The following APTX variants were observed in gnomAD, a reference collection of about 807,000 sequenced individuals.
APTX encodes forkhead-associated domain histidine triad-like protein.
A neutral mutation model predicts 42.3 loss-of-function variants in APTX; 33 were observed. That is an observed-to-expected ratio of 0.78 (90% CI 0.59 to 1.04). The LOEUF is 1.04. APTX is among the 50% of genes least tolerant of loss of function. The probability of loss-of-function intolerance (pLI) is 0.00; values close to 1 mark genes in which losing one functional copy is unlikely to be tolerated. For synonymous variants in APTX, 130 were observed against 146.7 expected (o/e 0.89, Z 0.82); for missense variants, 421 against 415.1 (o/e 1.01, Z -0.12).
At chr9:32,988,275 T>C (rs1452569766) in intron 2 of APTX, 146 bp from the exon 3 acceptor site, 3 of 730,674 alleles carry the variant, frequency 4.1e-6, no homozygotes, top group Non-Finnish European at 7.3e-6. Flanking sequence ...TCACCTGTTA[T>C]TGCAGGTGGC....
chr9:32,977,078 G>GAA (rs1258136184), intron 6 of APTX, among the ~76,000 whole-genome samples: 1 of 152,068 alleles, frequency 6.6e-6, no homozygotes, highest in Non-Finnish European at 1.5e-5. Flanking sequence ...TATTAACAGA[G>GAA]AATTTCTACT....
chr9:32,977,141 AAG>A (rs1341605509), intron 6 of APTX, among the ~76,000 whole-genome samples: 1 of 152,196 alleles, frequency 6.6e-6, no homozygotes, highest in Non-Finnish European at 1.5e-5. Flanking sequence ...ATTTTCACTT[AAG>A]AGATAAAAAT....
intron 7 of APTX, among the ~76,000 whole-genome samples, chr9:32,973,959 T>C (rs916179090): frequency 2.0e-5 from 3 of 152,036 alleles, no homozygotes; most frequent in African/African-American, 7.2e-5. Flanking sequence ...CCAGCTGCCA[T>C]TGTGAACACC....
intron 1 of APTX, among the ~76,000 whole-genome samples, chr9:33,008,581 T>C (rs377538594): frequency 3.0e-4 from 45 of 148,288 alleles, no homozygotes; most frequent in African/African-American, 1.0e-3. Context: ...AGATGGAGTC[T>C]CACTCTGTCA....
intron 1 of APTX, among the ~76,000 whole-genome samples, chr9:33,019,037 G>C (rs1214260009): frequency 2.6e-5 from 4 of 152,140 alleles, no homozygotes; most frequent in Non-Finnish European, 5.9e-5. Flanking sequence ...AAAAATTAAA[G>C]AAACCCAAAT....
Position 32,984,908 on chromosome 9 carries a change from G to A in APTX, c.544-51C>T, listed in dbSNP as rs780304818. ...AACAGACATCTACTAAGAATCTTCT[G>A]TGTGCCTGGTTGTTATATTCACTAA... On this transcript the variant is annotated intron_variant, in intron 5 of 7. Coordinates refer to ENST00000379817, the MANE Select transcript of APTX (RefSeq NM_001195248.2). The A allele has an allele frequency of 1.6e-5, 24 of 1,507,886 alleles. No individual in the cohort carries two copies. The South Asian group carries it at 2.4e-4, about 15-fold the overall frequency. The allele number at this position is 1,507,886 out of a possible 1,614,324, so 93.4% of individuals were successfully genotyped here.
chr9:33,019,706 C>G (rs1033444989), intron 1 of APTX: 1 of 523,070 alleles, frequency 1.9e-6, no homozygotes, highest in African/African-American at 2.0e-5. Context: ...CCAGGCTTAG[C>G]GGGAAACTGG....
At chr9:32,986,255 C>A in intron 4 of APTX, 1 of 648,960 alleles carries the variant, frequency 1.5e-6, no homozygotes. Flanking sequence ...CTCTGTCTCA[C>A]CCAAGCTGGA....
At chr9:33,001,256 A>G in intron 1 of APTX, 1 of 1,394,746 alleles carries the variant, frequency 7.2e-7, no homozygotes, top group Non-Finnish European at 9.4e-7. Flanking sequence ...CTTCCCGACA[A>G]GCTGGGCCGC....
intron 1 of APTX, among the ~76,000 whole-genome samples, chr9:33,024,352 T>C (rs1476643552): frequency 1.3e-5 from 2 of 152,248 alleles, no homozygotes; most frequent in Non-Finnish European, 2.9e-5. Context: ...ACATACCTGC[T>C]GTGTCCCTGG....
chr9:32,984,951 G>A (rs1831578905), intron 5 of APTX, 94 bp from the exon 6 acceptor site: 1 of 1,198,536 alleles, frequency 8.3e-7, no homozygotes, highest in African/African-American at 1.5e-5. Flanking sequence ...AATTCCCACA[G>A]TCTTGTGCAA....
At chr9:32,987,893 C>T (rs775587524) in intron 3 of APTX, 47 bp from the exon 4 acceptor site, 2 of 1,602,612 alleles carry the variant, frequency 1.2e-6, no homozygotes, top group South Asian at 2.2e-5. Flanking sequence ...AGCAACAGCA[C>T]CTACAGTAAG....
rs146051485 is a variant in APTX, at chr9:33,024,497, T to C, written c.-5+526A>G. Among the ~76,000 whole-genome samples the C allele has an allele frequency of 2.1e-4, 32 of 152,238 alleles. No homozygotes were observed. The East Asian group carries it at 5.4e-3, about 26-fold the overall frequency. ...AGTGAGGTCAAATAATTAAACAAAT[T>C]GTTTTAGTCAGACACTCTTGCGGCT... On this transcript the variant is annotated intron_variant, in intron 1 of 6. Coordinates refer to the APTX transcript ENST00000436040.
intron 5 of APTX, among the ~76,000 whole-genome samples, chr9:32,985,568 T>G (rs994493182): frequency 2.0e-5 from 3 of 152,092 alleles, no homozygotes; most frequent in African/African-American, 7.2e-5. Flanking sequence ...ACTCCTGACC[T>G]CAGGTGATCC....
chr9:33,005,975 T>C (rs1267807975), upstream of APTX, among the ~76,000 whole-genome samples: 2 of 152,240 alleles, frequency 1.3e-5, no homozygotes, highest in Admixed American at 1.3e-4. Flanking sequence ...TTGATTACTA[T>C]AGCTTTGTAA....
chr9:33,022,711 A>C (rs188561267), intron 1 of APTX, among the ~76,000 whole-genome samples: 3 of 152,370 alleles, frequency 2.0e-5, no homozygotes, highest in Non-Finnish European at 2.9e-5. Flanking sequence ...TAAGATGACA[A>C]AGTGAAAAGG....
chr9:32,986,897 C>A (rs1474121854), intron 4 of APTX, among the ~76,000 whole-genome samples: 3 of 152,130 alleles, frequency 2.0e-5, no homozygotes, highest in Non-Finnish European at 4.4e-5. Flanking sequence ...CAACCTCCGC[C>A]TTCCAGGTTC....
intron 1 of APTX, among the ~76,000 whole-genome samples, chr9:32,996,780 C>T (rs577523105): frequency 7.9e-4 from 121 of 152,322 alleles, no homozygotes; most frequent in African/African-American, 2.8e-3. Flanking sequence ...TATAATCTCC[C>T]TGCTAACAGA....
chr9:33,005,614 A>G (rs1837083118), upstream of APTX, among the ~76,000 whole-genome samples: 3 of 149,116 alleles, frequency 2.0e-5, no homozygotes, highest in Admixed American at 2.0e-4. Flanking sequence ...TTTTTTTTTT[A>G]ATAGAGACAG....
Sources: allele counts gnomAD v4.1 joint callset (sites outside exome capture counted in the v4.1 genomes callset), GRCh38; gene constraint gnomAD v4.1.1; transcripts MANE v1.5; gene names NCBI Gene and HGNC (gene_info 2026-07-23, HGNC 2026-07-21).